TBX19: variants seen among roughly 807,000 people sequenced by gnomAD.
The protein encoded by TBX19 is T-box transcription factor 19, also known as T-box transcription factor TBX19.
In TBX19, 33 loss-of-function variants were observed where a neutral mutation model predicts 40.9. That is an observed-to-expected ratio of 0.81 (90% CI 0.61 to 1.08). TBX19 has a LOEUF of 1.08. Among genes scored for constraint, TBX19 ranks in the 50% least tolerant of loss-of-function variants. The pLI is 0.00. For missense variants in TBX19, 494 were observed against 574.0 expected, an observed-to-expected ratio of 0.86 and a Z score of 1.42; for synonymous variants, 220 against 225.0, an observed-to-expected ratio of 0.98 and a Z score of 0.20.
intron 2 of TBX19, 85 bp downstream of exon 2, chr1:168,291,509 A>G (rs1049658399): frequency 6.9e-6 from 11 of 1,587,858 alleles, no homozygotes; most frequent in Admixed American, 3.3e-5. Context: ...CATTTAGGCA[A>G]TTAGAGGTGT....
At position 168,293,248 on chromosome 1, in the gene TBX19, CATAG is replaced by C; in HGVS notation, c.574_577del (p.Ile192ProfsTer2). On this transcript the variant is annotated frameshift_variant, in exon 3 of 8. Transcript: ENST00000367821. LOFTEE classifies it high-confidence loss of function. ...ACTGCTCCTTCCCTGAAACCCAGTTCATAGCCGTGACTGCCTATCAGAATGAGGA... is the reference window on the plus strand; with the variant it reads ...ACTGCTCCTTCCCTGAAACCCAGTTCCCGTGACTGCCTATCAGAATGAGGA... 6.2e-7 allele frequency: 1 copy of C among 1,610,430 alleles called. No individual in the cohort carries two copies. Among genetic ancestry groups the C allele is most frequent in the Middle Eastern group, 1.7e-4 (1 of 6,034 alleles).
intron 6 of TBX19, among the ~76,000 whole-genome samples, chr1:168,307,649 C>T (rs1025665392): frequency 6.6e-6 from 1 of 152,086 alleles, no homozygotes; most frequent in African/African-American, 2.4e-5. Context: ...TCCCTTCCTT[C>T]CTCCCTCCCT....
At position 168,281,270 on chromosome 1, in the gene TBX19, G is replaced by A. The variant is rs1648641424; in HGVS notation, c.180G>A (p.Glu60=). 3.1e-6 allele frequency: 5 copies of A among 1,614,074 alleles called. No homozygotes were observed. The East Asian group carries it at 1.1e-4, about 36-fold the overall frequency. The part of the protein sequence containing the change: ...LWQRFKEVTN[E]MIVTKNGRRM... ...AGAGATTCAAGGAAGTCACTAATGA[G>A]ATGATTGTGACCAAGAATGGCAGGT... is the stretch of plus-strand genomic sequence containing the variant. Residue 60 remains glutamate (E), a synonymous_variant, in exon 1 of 8, where the codon GAG becomes GAA. Coordinates refer to ENST00000367821, the MANE Select transcript of TBX19 (RefSeq NM_005149.3).
chr1:168,281,222 C>T lies in TBX19; in HGVS notation c.132C>T (p.Ile44=). Residue 44 remains isoleucine (I), a synonymous_variant, in exon 1 of 8, where the codon ATC becomes ATT. Coordinates refer to ENST00000367821, the MANE Select transcript of TBX19 (RefSeq NM_005149.3). ...CTACGGAGAAGCAACTTCAGATCAT[C>T]CTGGAGGATGCACCTCTCTGGCAGA... ...GDPTEKQLQI[I]LEDAPLWQRF... is the part of the protein sequence containing the mutation. 6.2e-7 allele frequency: 1 copy of T among 1,614,142 alleles called. No individual in the cohort carries two copies. Among genetic ancestry groups the T allele is most frequent in the Non-Finnish European group, 8.5e-7 (1 of 1,180,010 alleles).
intron 6 of TBX19, among the ~76,000 whole-genome samples, chr1:168,306,756 T>C (rs992625215): frequency 6.6e-6 from 1 of 152,152 alleles, no homozygotes; most frequent in Non-Finnish European, 1.5e-5. Flanking sequence ...ATGTAGACTT[T>C]CAGGCTCTAC....
intron 1 of TBX19, among the ~76,000 whole-genome samples, chr1:168,282,985 T>C (rs1397098299): frequency 1.3e-5 from 2 of 152,258 alleles, no homozygotes; most frequent in African/African-American, 4.8e-5. Context: ...ACTTTTACCA[T>C]TTAAGAAAAG....
intron 5 of TBX19, 33 bp downstream of exon 5, chr1:168,300,516 T>C: frequency 1.2e-6 from 2 of 1,606,096 alleles, no homozygotes; most frequent in South Asian, 2.2e-5. Flanking sequence ...GGGAGGTGCG[T>C]GGGGCTGTAC....
intron 4 of TBX19, among the ~76,000 whole-genome samples, chr1:168,299,699 C>G (rs894396025): frequency 2.6e-5 from 4 of 152,112 alleles, no homozygotes; most frequent in African/African-American, 9.7e-5. Flanking sequence ...GTCTCAAACT[C>G]CTGGCCTCAA....
In TBX19 at chr1:168,308,723, CTG is replaced by C. The variant is rs1439829793; in HGVS notation, c.917-17_917-16del. ...TCTTCTACATTTGCTATCAATTCAACTGTTGTTATTTCCCCAAGTGAATTTGA... is the reference window on the plus strand; with the variant it reads ...TCTTCTACATTTGCTATCAATTCAACTTGTTATTTCCCCAAGTGAATTTGA... On this transcript the variant is annotated splice_polypyrimidine_tract_variant and intron_variant, in intron 6 of 7. Coordinates refer to ENST00000367821, the MANE Select transcript of TBX19 (RefSeq NM_005149.3). The C allele has an allele frequency of 1.2e-6, 2 of 1,614,096 alleles. No individual in the cohort carries two copies. Among genetic ancestry groups the C allele is most frequent in the South Asian group, 2.2e-5 (2 of 91,076 alleles).
At chr1:168,310,825 AAAATATAT>A (rs556700453) in intron 7 of TBX19, among the ~76,000 whole-genome samples, 122 of 146,946 alleles carry the variant, frequency 8.3e-4, no homozygotes, top group South Asian at 5.7e-3. Context: ...ATATATATTA[AAAATATAT>A]AAATATATAA....
intron 6 of TBX19, chr1:168,308,397 G>T: frequency 5.8e-6 from 2 of 344,154 alleles, no homozygotes; most frequent in Non-Finnish European, 1.1e-5. Context: ...AGCTTGAGGG[G>T]AGGCTGGTAT....
At chr1:168,309,188 C>T (rs1419756742) in intron 7 of TBX19, among the ~76,000 whole-genome samples, 11 of 152,146 alleles carry the variant, frequency 7.2e-5, no homozygotes, top group Admixed American at 3.9e-4. Flanking sequence ...GCCTGGCCAA[C>T]ATAGTGTAAC....
At chr1:168,296,632 A>G (rs1649110175) in intron 3 of TBX19, among the ~76,000 whole-genome samples, 1 of 152,146 alleles carries the variant, frequency 6.6e-6, no homozygotes, top group Non-Finnish European at 1.5e-5. Flanking sequence ...TCAAGATGAA[A>G]TTTGGGTAGG....
intron 5 of TBX19, among the ~76,000 whole-genome samples, chr1:168,304,187 T>C (rs1649346527): frequency 6.6e-6 from 1 of 152,246 alleles, no homozygotes; most frequent in Admixed American, 6.5e-5. Flanking sequence ...CCATGCCATT[T>C]TGGGGACAGA....
In TBX19 at chr1:168,301,504, G is replaced by A. The variant is rs976868330; in HGVS notation, c.727+1021G>A. Among the ~76,000 whole-genome samples the A allele has an allele frequency of 3.6e-3, 550 of 152,202 alleles. 3 individuals carry two copies. The highest frequency in any genetic ancestry group is 0.013 in the African/African-American group (526 of 41,530). ...TCTTGAACTCCTGACCTTGTGATCCGCCTGCCTCGACCTCCCAAAGTGCCG... is the reference window on the plus strand; with the variant it reads ...TCTTGAACTCCTGACCTTGTGATCCACCTGCCTCGACCTCCCAAAGTGCCG... On this transcript the variant is annotated intron_variant, in intron 5 of 7. Coordinates refer to ENST00000367821, the MANE Select transcript of TBX19 (RefSeq NM_005149.3).
chr1:168,300,280 A>G, intron 4 of TBX19, 142 bp from the exon 5 acceptor site: 1 of 785,520 alleles, frequency 1.3e-6, no homozygotes, highest in South Asian at 1.5e-5. Flanking sequence ...GAGAATGGGG[A>G]AGGACAGGAG....
chr1:168,300,538 TC>T, intron 5 of TBX19, 55 bp downstream of exon 5: 4 of 1,519,392 alleles, frequency 2.6e-6, no homozygotes, highest in Non-Finnish European at 3.7e-6. Flanking sequence ...TGGAGCCAGC[TC>T]CTTCCACACT....
chr1:168,304,720 G>T (rs1341322880), intron 5 of TBX19, among the ~76,000 whole-genome samples: 1 of 152,242 alleles, frequency 6.6e-6, no homozygotes, highest in Non-Finnish European at 1.5e-5. Flanking sequence ...GCAAGAGGGA[G>T]ATTGGGTAGA....
In TBX19 at chr1:168,308,720, C is replaced by G. The variant is rs998656594; in HGVS notation, c.917-22C>G. On this transcript the variant is annotated intron_variant, in intron 6 of 7. Coordinates refer to ENST00000367821, the MANE Select transcript of TBX19 (RefSeq NM_005149.3). ...ATGTCTTCTACATTTGCTATCAATT[C>G]AACTGTTGTTATTTCCCCAAGTGAA... 17 of 1,613,962 alleles carry G rather than the reference C, an allele frequency of 1.1e-5. No homozygotes were observed. In the Admixed American group the frequency reaches 1.7e-4, roughly 16 times the overall value.
Sources: allele counts gnomAD v4.1 joint callset (sites outside exome capture counted in the v4.1 genomes callset), GRCh38; gene constraint gnomAD v4.1.1; transcripts MANE v1.5; gene names NCBI Gene and HGNC (gene_info 2026-07-23, HGNC 2026-07-21).